The following CELSR1 variants were observed in gnomAD, a reference collection of about 807,000 sequenced individuals.
The protein encoded by CELSR1 is adhesion G protein-coupled receptor C1.
A neutral mutation model predicts 249.1 loss-of-function variants in CELSR1; 110 were observed. The observed-to-expected ratio is 0.44, with a 90% CI of 0.38 to 0.52. The LOEUF (loss-of-function observed/expected upper bound fraction) is 0.52. CELSR1 is among the 20% of genes least tolerant of loss of function. The probability of loss-of-function intolerance (pLI) is 0.00; values close to 1 mark genes in which losing one functional copy is unlikely to be tolerated. For synonymous variants in CELSR1, 2,113 were observed against 1,900.0 expected, an observed-to-expected ratio of 1.11 and a Z score of -2.92; for missense variants, 4,109 against 4,296.4, an observed-to-expected ratio of 0.96 and a Z score of 1.22.
chr22:46,418,100 T>A (rs1337967745), intron 5 of CELSR1, among the ~76,000 whole-genome samples: 1 of 152,276 alleles, frequency 6.6e-6, no homozygotes, highest in Non-Finnish European at 1.5e-5. Flanking sequence ...CTATTGTTAC[T>A]TCTTGAAAAG....
At position 46,411,881 on chromosome 22, in the gene CELSR1, A is replaced by G. The variant is rs2079341291; in HGVS notation, c.4612-122T>C. On this transcript the variant is annotated intron_variant, in intron 5 of 34. Transcript: ENST00000674500. The surrounding 1 kb of genome is among the most constrained non-coding windows in gnomAD (Gnocchi z 4.2). ...AGGGTGGGCGGCACGTAGACAAGGG[A>G]TGAGGAGCCCCCGGCCTTTAGTTCC... The G allele has an allele frequency of 6.3e-6, 8 of 1,263,318 alleles. No individual in the cohort carries two copies. The highest frequency in any genetic ancestry group is 2.9e-5 in the African/African-American group (2 of 68,262). 78.3% of individuals were successfully genotyped at this position (1,263,318 alleles called of 1,614,324 possible).
At chr22:46,372,330 A>C (rs1196667307) in intron 25 of CELSR1, among the ~76,000 whole-genome samples, 9 of 62,814 alleles carry the variant, frequency 1.4e-4, no homozygotes, top group South Asian at 6.2e-4. Flanking sequence ...CCACTCACTC[A>C]CCCCATCTAT....
At position 46,378,577 on chromosome 22, in the gene CELSR1, G is replaced by A. The variant is rs577777341; in HGVS notation, c.7383+14C>T. The A allele has an allele frequency of 1.5e-5, 24 of 1,554,930 alleles. No individual in the cohort carries two copies. The highest frequency in any genetic ancestry group is 1.4e-4 in the African/African-American group (10 of 73,612). ...TAGGCCCAGAGGGCACAGTGGCCAC[G>A]GGAGGATGCCCACCTCACGCCTGGA... is the stretch of plus-strand genomic sequence containing the variant. On this transcript the variant is annotated intron_variant, in intron 23 of 34. Transcript: ENST00000674500.
At position 46,381,829 on chromosome 22, in the gene CELSR1, C is replaced by T; in HGVS notation, c.7088+17G>A. On this transcript the variant is annotated intron_variant, in intron 21 of 34. Transcript: ENST00000674500. This position sits in a 1 kb window ranked among gnomAD's most constrained non-coding sequence, Gnocchi z 6.0. Reference sequence around the variant, plus strand: ...CCAGAACGGGCCCTCCCCGTGTGCCCCGTGCCCAGGCCTTACCGGAGGCTG... The same window carrying T: ...CCAGAACGGGCCCTCCCCGTGTGCCTCGTGCCCAGGCCTTACCGGAGGCTG... 1 of 1,541,300 alleles carries T rather than the reference C, an allele frequency of 6.5e-7. No individual in the cohort carries two copies. The highest frequency in any genetic ancestry group is 8.7e-7 in the Non-Finnish European group (1 of 1,146,986).
chr22:46,386,119 A>C (rs1429487414), intron 19 of CELSR1, among the ~76,000 whole-genome samples: 1 of 151,440 alleles, frequency 6.6e-6, no homozygotes, highest in Non-Finnish European at 1.5e-5. Flanking sequence ...ACAGGCATGC[A>C]CCACCACACC....
chr22:46,492,074 C>T (rs1035327540), intron 1 of CELSR1, among the ~76,000 whole-genome samples: 12 of 152,244 alleles, frequency 7.9e-5, no homozygotes, highest in Non-Finnish European at 1.5e-4. Context: ...ACAACTGCCA[C>T]GAGAAGGCAA....
intron 1 of CELSR1, among the ~76,000 whole-genome samples, chr22:46,499,688 T>A (rs2080447673): frequency 6.6e-6 from 1 of 152,142 alleles, no homozygotes; most frequent in South Asian, 2.1e-4. Context: ...ACAGGAGATT[T>A]TGCAGAATTT....
chr22:46,368,841 G>C (rs2078817413), intron 27 of CELSR1, among the ~76,000 whole-genome samples: 1 of 152,000 alleles, frequency 6.6e-6, no homozygotes, highest in East Asian at 1.9e-4. Context: ...CCACCCACCA[G>C]AAAGTTTCAT....
chr22:46,421,381 G>A (rs925733257), intron 5 of CELSR1, among the ~76,000 whole-genome samples: 2 of 152,162 alleles, frequency 1.3e-5, no homozygotes, highest in Non-Finnish European at 2.9e-5. Context: ...AACCTCAGCC[G>A]GGCGTGAAAC....
chr22:46,398,418 C>A lies in CELSR1; in HGVS notation c.5526+106G>T. On this transcript the variant is annotated intron_variant, in intron 11 of 34. Transcript: ENST00000674500. This position sits in a 1 kb window ranked among gnomAD's most constrained non-coding sequence, Gnocchi z 7.2. ...ATGCCTGTCAGACAAATTCTTCACT[C>A]GTTGAAAGCTAACAGGTTGACCAAC... The A allele has an allele frequency of 1.4e-6, 1 of 708,792 alleles. No individual in the cohort carries two copies. Among genetic ancestry groups the A allele is most frequent in the South Asian group, 1.9e-5 (1 of 52,178 alleles). 43.9% of individuals were successfully genotyped at this position (708,792 alleles called of 1,614,324 possible).
intron 1 of CELSR1, among the ~76,000 whole-genome samples, chr22:46,511,780 G>C (rs925168067): frequency 6.6e-6 from 1 of 152,122 alleles, no homozygotes; most frequent in Non-Finnish European, 1.5e-5. Context: ...GTGAGATGAG[G>C]GAAGGAGGTG....
Position 46,484,918 on chromosome 22 carries a change from T to G in CELSR1, c.3545-20573A>C, listed in dbSNP as rs756086611. On this transcript the variant is annotated intron_variant, in intron 1 of 34. Coordinates refer to ENST00000674500, the MANE Select transcript of CELSR1 (RefSeq NM_001378328.1). The surrounding 1 kb of genome is among the most constrained non-coding windows in gnomAD (Gnocchi z 4.5). ...GACGTCTATTAATTTGCAACTTGCA[T>G]TGAAACTGCTGAGAACAGAAAAGCT... 2.6e-5 allele frequency among the ~76,000 whole-genome samples: 4 copies of G among 151,732 alleles called. No individual in the cohort carries two copies. Among genetic ancestry groups the G allele is most frequent in the Non-Finnish European group, 4.4e-5 (3 of 67,986 alleles).
intron 1 of CELSR1, among the ~76,000 whole-genome samples, chr22:46,487,203 T>A (rs1291697171): frequency 4.6e-5 from 7 of 152,132 alleles, no homozygotes; most frequent in African/African-American, 1.7e-4. Context: ...GACTTACAAG[T>A]AACAAATTGG....
rs750535319 is a variant in CELSR1, at chr22:46,534,535, T to C, written c.2636A>G (p.Glu879Gly). ...GTCATTGGCATCGAGGATGAGGATC[T>C]CTAGGGTGGTGGTGTCTGATTTCTG... is the stretch of plus-strand genomic sequence containing the variant. ...IPQKSDTTTL[E>G]ILILDANDNA... Residue 879 changes from glutamate to glycine, a missense_variant, in exon 1 of 35, where the codon GAG (glutamate) becomes GGG (glycine). Glu to Gly is a moderately conservative substitution (Grantham distance 98). Transcript: ENST00000674500. This position sits in a 1 kb window ranked among gnomAD's most constrained non-coding sequence, Gnocchi z 9.7. 2 of 1,613,434 alleles carry C rather than the reference T, an allele frequency of 1.2e-6. No individual in the cohort carries two copies. The highest frequency in any genetic ancestry group is 2.2e-5 in the South Asian group (2 of 91,088).
chr22:46,516,740 C>A (rs2080632138), intron 1 of CELSR1, among the ~76,000 whole-genome samples: 1 of 152,170 alleles, frequency 6.6e-6, no homozygotes, highest in Non-Finnish European at 1.5e-5. Context: ...CAACGGACCA[C>A]AAAGTCCATT....
In CELSR1 at chr22:46,410,422, T is replaced by C. The variant is rs763906361; in HGVS notation, c.4909A>G (p.Ile1637Val). The C allele has an allele frequency of 6.2e-7, 1 of 1,613,876 alleles. No homozygotes were observed. The highest frequency in any genetic ancestry group is 2.2e-5 in the East Asian group (1 of 44,828). ...DGKNVDMAGF[I>V]ANNGTREGCA... ...CCTTCCCGGGTGCCATTGTTGGCGATGAATCCGGCCATGTCCACATTTTTG... is the reference window on the plus strand; with the variant it reads ...CCTTCCCGGGTGCCATTGTTGGCGACGAATCCGGCCATGTCCACATTTTTG... Residue 1637 changes from isoleucine (I) to valine (V), a missense_variant, in exon 7 of 35, where the codon ATC becomes GTC. Coordinates refer to ENST00000674500, the MANE Select transcript of CELSR1 (RefSeq NM_001378328.1). The surrounding 1 kb of genome is among the most constrained non-coding windows in gnomAD (Gnocchi z 6.8).
intron 1 of CELSR1, among the ~76,000 whole-genome samples, chr22:46,492,085 C>T (rs1010237294): frequency 6.6e-6 from 1 of 152,236 alleles, no homozygotes; most frequent in African/African-American, 2.4e-5. Context: ...GAGAAGGCAA[C>T]GGTCAGGGCG....
In CELSR1 at chr22:46,535,912, G is replaced by GCCT; in HGVS notation, c.1256_1258dup (p.Glu419dup). 6.2e-7 allele frequency: 1 copy of GCCT among 1,608,620 alleles called. No homozygotes were observed. Among genetic ancestry groups the GCCT allele is most frequent in the Non-Finnish European group, 8.5e-7 (1 of 1,179,386 alleles). On this transcript the variant is annotated inframe_insertion, in exon 1 of 35. Coordinates refer to ENST00000674500, the MANE Select transcript of CELSR1 (RefSeq NM_001378328.1). ...CTCCACCAGGAGCTGGTACTCGGCC[G>GCCT]CCTCCTCCCGGTCCAGCACCGCCCG...
In CELSR1 at chr22:46,494,062, C is replaced by A. The variant is rs187334720; in HGVS notation, c.3545-29717G>T. Among the ~76,000 whole-genome samples the A allele has an allele frequency of 7.4e-3, 1,128 of 152,314 alleles. 10 individuals carry two copies. The highest frequency in any genetic ancestry group is 9.6e-3 in the Non-Finnish European group (653 of 68,026). ...TCAGAAAAAAAGGCAGACACACAAT[C>A]TACCCTCGCGGAGGACAATTCAGCT... On this transcript the variant is annotated intron_variant, in intron 1 of 34. Transcript: ENST00000674500.
Sources: gnomAD v4.1 joint callset for allele counts (sites outside exome capture counted in the v4.1 genomes callset) on GRCh38, gnomAD v4.1.1 for gene constraint, Gnocchi (gnomAD v3.1) non-coding constraint, MANE v1.5 for transcripts, NCBI Gene and HGNC (gene_info 2026-07-23, HGNC 2026-07-21) for gene names.